Variants in NKIRAS1 observed in about 807,000 individuals in gnomAD.
The protein encoded by NKIRAS1 is NFKB inhibitor interacting Ras like 1, also known as NF-kappa-B inhibitor-interacting Ras-like protein 1.
In NKIRAS1, 16 loss-of-function variants were observed where a neutral mutation model predicts 19.8. That is an observed-to-expected ratio of 0.81 (90% confidence interval 0.55 to 1.23). The LOEUF (loss-of-function observed/expected upper bound fraction) is 1.23, where lower values mean the gene tolerates loss of function less well. Among genes scored for constraint, NKIRAS1 ranks in the 50% most tolerant of loss-of-function variants. The pLI is 0.00. For synonymous variants in NKIRAS1, 88 were observed against 79.0 expected (o/e 1.11, Z -0.61); for missense variants, 184 against 220.0 (o/e 0.84, Z 1.04).
At chr3:23,906,646 A>ATTTTTTTT in intron 3 of NKIRAS1, among the ~76,000 whole-genome samples, 1 of 141,166 alleles carries the variant, frequency 7.1e-6, no homozygotes, top group Non-Finnish European at 1.5e-5. Context: ...CTTCCTTATG[A>ATTTTTTTT]TTTTTTTTTT....
intron 1 of NKIRAS1, among the ~76,000 whole-genome samples, chr3:23,915,073 TTACA>T (rs1181479590): frequency 1.3e-5 from 2 of 152,210 alleles, no homozygotes; most frequent in Non-Finnish European, 2.9e-5. Flanking sequence ...TATGTTTACT[TTACA>T]TACTCATACA....
chr3:23,912,033 C>T (rs551995146), intron 1 of NKIRAS1, among the ~76,000 whole-genome samples: 7 of 150,706 alleles, frequency 4.6e-5, no homozygotes, highest in South Asian at 2.1e-4. Context: ...CAAAGTGCTA[C>T]GATTACAGGC....
At chr3:23,898,923 T>C (rs934004367) in intron 4 of NKIRAS1, among the ~76,000 whole-genome samples, 2 of 152,164 alleles carry the variant, frequency 1.3e-5, no homozygotes, top group Admixed American at 1.3e-4. Context: ...AGCTGGAGAA[T>C]CAAATTGTGA....
chr3:23,930,226 T>C (rs1705283579), intron 1 of NKIRAS1, among the ~76,000 whole-genome samples: 1 of 152,024 alleles, frequency 6.6e-6, no homozygotes, highest in African/African-American at 2.4e-5. Flanking sequence ...GGTGGCTGAG[T>C]GCGTGAGAGG....
chr3:23,936,658 T>C (rs6550813), intron 1 of NKIRAS1, among the ~76,000 whole-genome samples: 96,804 of 151,292 alleles, frequency 0.64, 31,146 homozygotes, highest in Middle Eastern at 0.73. Flanking sequence ...GCGATTCTCC[T>C]GCCTCAGCCT....
At chr3:23,912,262 C>A (rs1703820734) in intron 1 of NKIRAS1, among the ~76,000 whole-genome samples, 1 of 152,130 alleles carries the variant, frequency 6.6e-6, no homozygotes, top group Non-Finnish European at 1.5e-5. Context: ...AGGCAACCTA[C>A]AGAATGGGAG....
rs1702075465 is a variant in NKIRAS1 at position 23,897,174 on chromosome 3, C to G, written c.336+3634G>C. 5.3e-5 allele frequency among the ~76,000 whole-genome samples: 8 copies of G among 151,570 alleles called. 1 individual carries two copies. The South Asian group carries it at 1.7e-3, about 31-fold the overall frequency. On this transcript the variant is annotated intron_variant, in intron 4 of 4. Coordinates refer to ENST00000425478, the MANE Select transcript of NKIRAS1 (RefSeq NM_020345.4). Reference sequence around the variant, plus strand: ...TGCAATCATGCCATAGCTCTCAAGTCTGGGCAACAGAGCAAGACCCTGTCT... The same window carrying G: ...TGCAATCATGCCATAGCTCTCAAGTGTGGGCAACAGAGCAAGACCCTGTCT...
At chr3:23,940,231 T>C (rs1705469918) in intron 1 of NKIRAS1, among the ~76,000 whole-genome samples, 1 of 150,836 alleles carries the variant, frequency 6.6e-6, no homozygotes, top group African/African-American at 2.4e-5. Flanking sequence ...CCTGTGGTCC[T>C]AGCTAATTGA....
In NKIRAS1 at chr3:23,927,972, A is replaced by G. The variant is rs1705237483; in HGVS notation, c.-139-16522T>C. Among the ~76,000 whole-genome samples, 1 of 152,034 alleles carries G rather than the reference A, an allele frequency of 6.6e-6. No individual in the cohort carries two copies. Among genetic ancestry groups the G allele is most frequent in the East Asian group, 1.9e-4 (1 of 5,186 alleles). The stretch of plus-strand genomic sequence containing the variant: ...TGCATGCCAGTAGTACCAGATATGC[A>G]GGAGGCTGAGGTGGAAGAATTGCTT... On this transcript the variant is annotated intron_variant, in intron 1 of 4. Coordinates refer to the NKIRAS1 transcript ENST00000421515. The surrounding 1 kb of genome is among the most constrained non-coding windows in gnomAD (Gnocchi z 4.0).
chr3:23,929,928 GT>G (rs1328377251), intron 1 of NKIRAS1, among the ~76,000 whole-genome samples: 1 of 151,644 alleles, frequency 6.6e-6, no homozygotes, highest in East Asian at 1.9e-4. Flanking sequence ...TCCAGTCTTT[GT>G]TTTTTTTAAT....
intron 1 of NKIRAS1, among the ~76,000 whole-genome samples, chr3:23,915,678 C>T (rs1704293630): frequency 2.6e-5 from 4 of 152,172 alleles, no homozygotes; most frequent in African/African-American, 9.7e-5. Flanking sequence ...CCCACTTTCC[C>T]CTACTGTGAA....
intron 1 of NKIRAS1, among the ~76,000 whole-genome samples, chr3:23,938,536 G>A (rs1000448866): frequency 6.6e-6 from 1 of 152,134 alleles, no homozygotes; most frequent in African/African-American, 2.4e-5. Flanking sequence ...ACAAAGTAAT[G>A]TGGTCCTTGA....
At position 23,939,308 on chromosome 3, in the gene NKIRAS1, T is replaced by A. The variant is rs62253360; in HGVS notation, c.-140+7015A>T. Among the ~76,000 whole-genome samples, 1,007 of 152,072 alleles carry A rather than the reference T, an allele frequency of 6.6e-3. 1 individual carries two copies. The highest frequency in any genetic ancestry group is 0.02 in the Middle Eastern group (6 of 294). Reference sequence around the variant, plus strand: ...TAAAATGGAAGGATGTAGATCAAGATAAAGAGCAGAAATCAATGAAACAAA... The same window carrying A: ...TAAAATGGAAGGATGTAGATCAAGAAAAAGAGCAGAAATCAATGAAACAAA... On this transcript the variant is annotated intron_variant, in intron 1 of 4. Coordinates refer to the NKIRAS1 transcript ENST00000421515.
At chr3:23,917,967 C>T (rs1259844188), upstream of NKIRAS1, 1 of 1,613,694 alleles carries the variant, frequency 6.2e-7, no homozygotes. Flanking sequence ...TCTCTGCTCT[C>T]CACAGGGCTC....
chr3:23,930,510 T>A (rs1233119899), intron 1 of NKIRAS1, among the ~76,000 whole-genome samples: 12 of 152,042 alleles, frequency 7.9e-5, no homozygotes, highest in African/African-American at 2.9e-4. Context: ...CAGTTTTCAA[T>A]CTTATTTTGG....
At chr3:23,921,466 A>T (rs866399220), upstream of NKIRAS1, 3 of 623,514 alleles carry the variant, frequency 4.8e-6, no homozygotes, top group African/African-American at 5.6e-5. Flanking sequence ...TCCAATATTA[A>T]GGGTCACTTT....
In NKIRAS1 at chr3:23,926,502, T is replaced by C. The variant is rs954164196; in HGVS notation, c.-139-15052A>G. On this transcript the variant is annotated intron_variant, in intron 1 of 4. Transcript: ENST00000421515. This position sits in a 1 kb window ranked among gnomAD's most constrained non-coding sequence, Gnocchi z 4.3. ...TCTCTCCTTCTCTTTCCTCTTCCTC[T>C]TCTTCCTCTTCTTTTTTTTTGTGTC... Among the ~76,000 whole-genome samples, 2 of 152,050 alleles carry C rather than the reference T, an allele frequency of 1.3e-5. No homozygotes were observed. The highest frequency in any genetic ancestry group is 6.6e-5 in the Admixed American group (1 of 15,260).
At chr3:23,924,095 G>A (rs907264890) in intron 1 of NKIRAS1, 4 of 152,210 alleles carry the variant, frequency 2.6e-5, no homozygotes, top group African/African-American at 9.6e-5. Context: ...GATCCAGATA[G>A]CATAGCTATT....
intron 3 of NKIRAS1, among the ~76,000 whole-genome samples, chr3:23,909,033 A>ACAGCCCACATAAACAGAAGTTG (rs1703371607): frequency 6.6e-6 from 1 of 152,142 alleles, no homozygotes; most frequent in Non-Finnish European, 1.5e-5. Context: ...GTTGGAAGAT[A>ACAGCCCACATAAACAGAAGTTG]CAGCCCACAT....
Sources: gnomAD v4.1 joint callset for allele counts (sites outside exome capture counted in the v4.1 genomes callset) on GRCh38, gnomAD v4.1.1 for gene constraint, Gnocchi (gnomAD v3.1) non-coding constraint, MANE v1.5 for transcripts, NCBI Gene and HGNC (gene_info 2026-07-23, HGNC 2026-07-21) for gene names.